Variants in CDH13 observed in about 807,000 individuals in gnomAD.
The protein encoded by CDH13 is cadherin-13.
A neutral mutation model predicts 63.8 loss-of-function variants in CDH13; 24 were observed. The observed-to-expected ratio is 0.38, with a 90% CI of 0.27 to 0.53. CDH13 has a LOEUF of 0.53. CDH13 is among the 20% of genes least tolerant of loss of function. CDH13 has a pLI of 0.85. For synonymous variants in CDH13, 503 were observed against 355.3 expected (o/e 1.42, Z -4.67); for missense variants, 1,049 against 903.1 (o/e 1.16, Z -2.07).
intron 7 of CDH13, among the ~76,000 whole-genome samples, chr16:83,560,688 G>T (rs764511634): frequency 2.2e-4 from 33 of 152,232 alleles, no homozygotes; most frequent in Admixed American, 2.2e-3. Context: ...GTGCTCTGCC[G>T]TTGATGTTAC....
chr16:82,674,726 A>C (rs925615631), intron 1 of CDH13, among the ~76,000 whole-genome samples: 1 of 152,158 alleles, frequency 6.6e-6, no homozygotes, highest in Admixed American at 6.6e-5. Context: ...TACTTTGTGG[A>C]TGTTTGAGGT....
At chr16:83,372,819 G>T (rs528379746) in intron 6 of CDH13, among the ~76,000 whole-genome samples, 2 of 151,210 alleles carry the variant, frequency 1.3e-5, no homozygotes, top group Non-Finnish European at 2.9e-5. Flanking sequence ...TCTGCTTTCT[G>T]TGGGGAAACT....
At chr16:83,514,596 G>C (rs1190155324) in intron 7 of CDH13, among the ~76,000 whole-genome samples, 1 of 152,278 alleles carries the variant, frequency 6.6e-6, no homozygotes, top group African/African-American at 2.4e-5. Context: ...AGTAAGCCAA[G>C]ATCATACCAC....
chr16:82,647,731 G>A (rs1452949697), intron 1 of CDH13, among the ~76,000 whole-genome samples: 1 of 152,212 alleles, frequency 6.6e-6, no homozygotes, highest in African/African-American at 2.4e-5. Flanking sequence ...GATATTTGCA[G>A]TTGGAAGTTG....
chr16:83,601,864 G>A (rs1366209366), intron 7 of CDH13, among the ~76,000 whole-genome samples: 1 of 151,976 alleles, frequency 6.6e-6, no homozygotes, highest in African/African-American at 2.4e-5. Context: ...GGAGGCTGAG[G>A]CAGGCAGATC....
chr16:83,131,835 A>T (rs2036066673), intron 4 of CDH13, among the ~76,000 whole-genome samples: 1 of 152,236 alleles, frequency 6.6e-6, no homozygotes, highest in South Asian at 2.1e-4. Context: ...AACCCAGGAT[A>T]GAAGAAATAT....
intron 5 of CDH13, among the ~76,000 whole-genome samples, chr16:83,249,446 G>A (rs1905273989): frequency 6.6e-6 from 1 of 152,216 alleles, no homozygotes; most frequent in Non-Finnish European, 1.5e-5. Flanking sequence ...CACCCATTAT[G>A]TCCTGTGCAG....
At chr16:83,584,462 C>T (rs1374147080) in intron 7 of CDH13, among the ~76,000 whole-genome samples, 1 of 152,188 alleles carries the variant, frequency 6.6e-6, no homozygotes, top group African/African-American at 2.4e-5. Flanking sequence ...AAGAGCTCTG[C>T]AGTCTTTCTA....
chr16:83,159,121 T>G (rs2037338940), intron 4 of CDH13, among the ~76,000 whole-genome samples: 1 of 152,106 alleles, frequency 6.6e-6, no homozygotes, highest in African/African-American at 2.4e-5. Flanking sequence ...TTTTTTTCTG[T>G]CTCGGTAAAA....
chr16:83,682,129 AG>A (rs1915458226), intron 10 of CDH13, among the ~76,000 whole-genome samples: 1 of 152,260 alleles, frequency 6.6e-6, no homozygotes, highest in African/African-American at 2.4e-5. Context: ...CACCAAAAGA[AG>A]TGCAGCATAG....
intron 6 of CDH13, among the ~76,000 whole-genome samples, chr16:83,479,733 T>C (rs567483581): frequency 6.6e-6 from 1 of 152,224 alleles, no homozygotes; most frequent in African/African-American, 2.4e-5. Context: ...TTGTGCATTC[T>C]CAAAGGGGGT....
intron 6 of CDH13, among the ~76,000 whole-genome samples, chr16:83,395,829 C>G (rs1329670178): frequency 6.6e-6 from 1 of 152,138 alleles, no homozygotes; most frequent in Non-Finnish European, 1.5e-5. Flanking sequence ...AGTACATGCA[C>G]AGGATGTGTA....
At chr16:82,708,570 C>G (rs1474614673) in intron 1 of CDH13, among the ~76,000 whole-genome samples, 2 of 152,176 alleles carry the variant, frequency 1.3e-5, no homozygotes, top group African/African-American at 4.8e-5. Context: ...CCTCTACTTT[C>G]TTGACCTTGG....
chr16:83,657,844 C>G (rs921963477), intron 8 of CDH13, among the ~76,000 whole-genome samples: 5 of 151,834 alleles, frequency 3.3e-5, no homozygotes, highest in Admixed American at 1.3e-4. Context: ...GTCCCATGTC[C>G]TCACCAGCAG....
At chr16:83,260,524 G>T (rs16959979) in intron 5 of CDH13, among the ~76,000 whole-genome samples, 10,316 of 152,214 alleles carry the variant, frequency 0.068, 488 homozygotes, top group East Asian at 0.23. Context: ...CAGTCTTCGA[G>T]GGAGTGCTGG....
At chr16:82,777,049 G>T (rs772143393) in intron 1 of CDH13, among the ~76,000 whole-genome samples, 2 of 152,194 alleles carry the variant, frequency 1.3e-5, no homozygotes, top group Non-Finnish European at 2.9e-5. Flanking sequence ...GAGTTCAAAT[G>T]ATCCTTCTGC....
chr16:83,148,644 C>G (rs77855074), intron 4 of CDH13, among the ~76,000 whole-genome samples: 1 of 152,082 alleles, frequency 6.6e-6, no homozygotes, highest in African/African-American at 2.4e-5. Context: ...GGTAAACTCT[C>G]GCACCATATT....
chr16:82,966,437 G>A (rs749814146), intron 2 of CDH13, among the ~76,000 whole-genome samples: 4 of 152,272 alleles, frequency 2.6e-5, no homozygotes, highest in East Asian at 3.9e-4. Flanking sequence ...GTGAGCCAGC[G>A]CGCCTGGCCT....
chr16:83,652,875 C>T lies in CDH13; in HGVS notation c.1102-17915C>T, dbSNP rs1272464316. On this transcript the variant is annotated intron_variant, in intron 8 of 13. Transcript: ENST00000567109. ...GAACATTCACAGCAGCATTATTCCC[C>T]ATAGCCACTAAGTGGAAACAGTTCC... Among the ~76,000 whole-genome samples, 3 of 152,188 alleles carry T rather than the reference C, an allele frequency of 2.0e-5. No homozygotes were observed. The East Asian group carries it at 5.8e-4, about 29-fold the overall frequency.
Sources: gnomAD v4.1 joint callset for allele counts (sites outside exome capture counted in the v4.1 genomes callset) on GRCh38, gnomAD v4.1.1 for gene constraint, MANE v1.5 for transcripts, NCBI Gene and HGNC (gene_info 2026-07-23, HGNC 2026-07-21) for gene names.